The following ASTN2 variants were observed in gnomAD, a reference collection of about 807,000 sequenced individuals.
ASTN2 encodes astrotactin-2.
Under a neutral mutation model 139.8 loss-of-function variants are expected in ASTN2, and 54 were observed. That is an observed-to-expected ratio of 0.39 (90% confidence interval 0.31 to 0.48). The LOEUF (loss-of-function observed/expected upper bound fraction) is 0.48. Among genes scored for constraint, ASTN2 ranks in the 20% least tolerant of loss-of-function variants. The probability of loss-of-function intolerance (pLI) is 0.95; values close to 1 mark genes in which losing one functional copy is unlikely to be tolerated. For missense variants in ASTN2, 1,565 were observed against 1,725.1 expected, an observed-to-expected ratio of 0.91 and a Z score of 1.64; for synonymous variants, 756 against 719.5, an observed-to-expected ratio of 1.05 and a Z score of -0.81.
chr9:116,873,909 C>T (rs1833229269), intron 10 of ASTN2, among the ~76,000 whole-genome samples: 1 of 152,186 alleles, frequency 6.6e-6, no homozygotes, highest in African/African-American at 2.4e-5. Flanking sequence ...TTTCCTGAGG[C>T]CTCCCCAGCT....
At chr9:117,354,589 CTG>C (rs1341145192) in intron 1 of ASTN2, among the ~76,000 whole-genome samples, 1 of 152,200 alleles carries the variant, frequency 6.6e-6, no homozygotes, top group Non-Finnish European at 1.5e-5. Context: ...TGTTACTGAT[CTG>C]TCTTTTCTAA....
intron 1 of ASTN2, among the ~76,000 whole-genome samples, chr9:117,355,577 G>A (rs1457643022): frequency 6.6e-6 from 1 of 152,164 alleles, no homozygotes; most frequent in East Asian, 1.9e-4. Flanking sequence ...AGGTGGGAGT[G>A]GAGGCTGAGG....
At chr9:116,623,900 T>C (rs974679271) in intron 17 of ASTN2, among the ~76,000 whole-genome samples, 8 of 152,086 alleles carry the variant, frequency 5.3e-5, no homozygotes, top group African/African-American at 1.9e-4. Context: ...CATGTGCTTA[T>C]GTGTGTGCAT....
At chr9:116,543,337 T>C (rs908871923) in intron 19 of ASTN2, among the ~76,000 whole-genome samples, 1 of 150,832 alleles carries the variant, frequency 6.6e-6, no homozygotes, top group Admixed American at 6.6e-5. Flanking sequence ...TTCTGAAGGC[T>C]GAGGTGGGAG....
intron 11 of ASTN2, among the ~76,000 whole-genome samples, chr9:116,833,004 A>AG (rs1831866042): frequency 2.9e-5 from 4 of 137,876 alleles, no homozygotes; most frequent in African/African-American, 1.1e-4. Flanking sequence ...CATTTGGTAT[A>AG]TTTCTCCAGT....
At chr9:117,274,622 TG>T (rs1834142810) in intron 2 of ASTN2, among the ~76,000 whole-genome samples, 1 of 152,254 alleles carries the variant, frequency 6.6e-6, no homozygotes, top group South Asian at 2.1e-4. Flanking sequence ...ATTGGAGATA[TG>T]AAGAAAGGCT....
intron 22 of ASTN2, among the ~76,000 whole-genome samples, chr9:116,436,376 C>A (rs1308559341): frequency 6.6e-6 from 1 of 152,078 alleles, no homozygotes; most frequent in Non-Finnish European, 1.5e-5. Context: ...TCCAGGCCAC[C>A]CACTCCAGTT....
chr9:116,956,570 T>C (rs989253493), intron 10 of ASTN2, among the ~76,000 whole-genome samples: 9 of 151,498 alleles, frequency 5.9e-5, no homozygotes, highest in East Asian at 1.9e-4. Context: ...GTTTTAGTCA[T>C]GGAAATTAGG....
intron 19 of ASTN2, among the ~76,000 whole-genome samples, chr9:116,573,040 T>C (rs993973443): frequency 4.4e-5 from 6 of 136,152 alleles, no homozygotes; most frequent in South Asian, 2.2e-4. Flanking sequence ...CACACATATA[T>C]ACACACACAC....
chr9:116,625,234 G>A (rs1278155824), intron 17 of ASTN2, among the ~76,000 whole-genome samples: 1 of 152,096 alleles, frequency 6.6e-6, no homozygotes. Context: ...TTCGAGACCA[G>A]CCTGGCCAAC....
chr9:117,191,226 G>GGA, intron 3 of ASTN2, among the ~76,000 whole-genome samples: 1 of 38,924 alleles, frequency 2.6e-5, no homozygotes, highest in Non-Finnish European at 5.3e-5. Flanking sequence ...ATACAAAATA[G>GGA]CAAAAAAAAA....
chr9:116,775,118 C>G (rs1053000275), intron 13 of ASTN2, among the ~76,000 whole-genome samples: 1 of 151,982 alleles, frequency 6.6e-6, no homozygotes, highest in Non-Finnish European at 1.5e-5. Flanking sequence ...GGATTCAGGT[C>G]GGAAAAGACT....
At chr9:117,001,556 C>T (rs994958349) in intron 7 of ASTN2, among the ~76,000 whole-genome samples, 1 of 152,156 alleles carries the variant, frequency 6.6e-6, no homozygotes, top group African/African-American at 2.4e-5. Context: ...GCTCTGCCTG[C>T]ACCTCATTCT....
intron 12 of ASTN2, among the ~76,000 whole-genome samples, chr9:116,809,730 C>A (rs1047969468): frequency 1.3e-5 from 2 of 152,050 alleles, no homozygotes; most frequent in Non-Finnish European, 2.9e-5. Context: ...ATACGTTTTG[C>A]GAGTTAACTC....
chr9:117,148,683 T>C (rs1830257151), intron 3 of ASTN2, among the ~76,000 whole-genome samples: 1 of 152,212 alleles, frequency 6.6e-6, no homozygotes, highest in Admixed American at 6.5e-5. Flanking sequence ...TAAACCATGA[T>C]ATCCAGGTAT....
At chr9:117,245,674 A>G (rs1196461132) in intron 2 of ASTN2, among the ~76,000 whole-genome samples, 1 of 152,058 alleles carries the variant, frequency 6.6e-6, no homozygotes, top group East Asian at 1.9e-4. Context: ...CTTTCCCTCT[A>G]TAGTTTTTTA....
intron 3 of ASTN2, among the ~76,000 whole-genome samples, chr9:117,191,227 C>CAAAAAAA (rs35328157): frequency 4.8e-5 from 3 of 62,482 alleles, no homozygotes; most frequent in Non-Finnish European, 6.8e-5. Context: ...TACAAAATAG[C>CAAAAAAA]AAAAAAAAAA....
At chr9:116,513,260 A>G (rs2119198072) in intron 19 of ASTN2, among the ~76,000 whole-genome samples, 1 of 152,220 alleles carries the variant, frequency 6.6e-6, no homozygotes, top group Non-Finnish European at 1.5e-5. Flanking sequence ...TCACTTATGA[A>G]GCTTAGTTTC....
At chr9:117,227,632 T>C (rs1361899350) in intron 2 of ASTN2, among the ~76,000 whole-genome samples, 2 of 152,158 alleles carry the variant, frequency 1.3e-5, no homozygotes, top group Admixed American at 6.5e-5. Flanking sequence ...CTGGAAGATA[T>C]GTAGTGAATA....
Sources: gnomAD v4.1 joint callset for allele counts (sites outside exome capture counted in the v4.1 genomes callset) on GRCh38, gnomAD v4.1.1 for gene constraint, MANE v1.5 for transcripts, NCBI Gene and HGNC (gene_info 2026-07-23, HGNC 2026-07-21) for gene names.